SOX6: variants seen among roughly 807,000 people sequenced by gnomAD.
SOX6 encodes transcription factor SOX-6.
In SOX6, 11 loss-of-function variants were observed where a neutral mutation model predicts 97.8. That is an observed-to-expected ratio of 0.11 (90% CI 0.07 to 0.19). The LOEUF is 0.19. Among genes scored for constraint, SOX6 ranks in the 10% least tolerant of loss-of-function variants. The pLI is 1.00. For missense variants in SOX6, 810 were observed against 1,039.5 expected (o/e 0.78, Z 3.04); for synonymous variants, 360 against 371.4 (o/e 0.97, Z 0.35).
At chr11:16,580,236 G>C (rs961780755) in intron 4 of SOX6, among the ~76,000 whole-genome samples, 2 of 151,868 alleles carry the variant, frequency 1.3e-5, no homozygotes, top group Non-Finnish European at 2.9e-5. Flanking sequence ...GCACTTCTCT[G>C]GTTGATAAAA....
chr11:16,070,392 T>C (rs1332320253), intron 9 of SOX6, among the ~76,000 whole-genome samples: 1 of 151,886 alleles, frequency 6.6e-6, no homozygotes, highest in Admixed American at 6.6e-5. Flanking sequence ...AAAATCTGAA[T>C]CCATCAGATA....
At chr11:16,014,261 C>T (rs1854817221) in intron 13 of SOX6, among the ~76,000 whole-genome samples, 1 of 152,082 alleles carries the variant, frequency 6.6e-6, no homozygotes, top group South Asian at 2.1e-4. Context: ...AAGAAGCGAA[C>T]AGGCATTGAT....
At chr11:16,215,842 A>G (rs1160836227) in intron 4 of SOX6, among the ~76,000 whole-genome samples, 1 of 152,200 alleles carries the variant, frequency 6.6e-6, no homozygotes, top group Non-Finnish European at 1.5e-5. Flanking sequence ...GAGGATGATC[A>G]CTGTTTTTGT....
intron 3 of SOX6, among the ~76,000 whole-genome samples, chr11:16,676,633 C>T (rs1341769325): frequency 6.6e-6 from 1 of 152,152 alleles, no homozygotes; most frequent in Admixed American, 6.5e-5. Context: ...TTCTTCGTCA[C>T]ATGTAGCTAC....
At chr11:16,352,093 G>T (rs2134360592) in intron 1 of SOX6, among the ~76,000 whole-genome samples, 2 of 152,108 alleles carry the variant, frequency 1.3e-5, no homozygotes, top group South Asian at 4.1e-4. Context: ...ACTGGTTTCT[G>T]GGGGTGTCTC....
intron 1 of SOX6, among the ~76,000 whole-genome samples, chr11:16,390,643 T>G (rs1430902386): frequency 6.6e-6 from 1 of 152,230 alleles, no homozygotes; most frequent in African/African-American, 2.4e-5. Context: ...CTTTAATGTT[T>G]GATCTCAACT....
chr11:16,097,701 A>T lies in SOX6; in HGVS notation c.899-13T>A. On this transcript the variant is annotated splice_polypyrimidine_tract_variant and intron_variant, in intron 7 of 15. Transcript: ENST00000683767. ...GGGTAGTTATCACCTGTCGGAAAGA[A>T]CAATGCATACAGGTTTAGACAATGC... 1.9e-6 allele frequency: 3 copies of T among 1,606,622 alleles called. No individual in the cohort carries two copies. Among genetic ancestry groups the T allele is most frequent in the Non-Finnish European group, 2.6e-6 (3 of 1,173,984 alleles).
chr11:16,348,321 T>C (rs904841911), intron 1 of SOX6, among the ~76,000 whole-genome samples: 4 of 152,124 alleles, frequency 2.6e-5, no homozygotes, highest in East Asian at 1.9e-4. Context: ...GTTTCTCCAA[T>C]TGAAGACAAT....
In SOX6 at chr11:16,600,277, T is replaced by A. The variant is rs868416739; in HGVS notation, n.609+11804A>T. Reference sequence around the variant, plus strand: ...ATGGTCTCATGCACAGAAATCTTTATCTGATTCATAAAAAATAAACTAGAA... The same window carrying A: ...ATGGTCTCATGCACAGAAATCTTTAACTGATTCATAAAAAATAAACTAGAA... On this transcript the variant is annotated intron_variant and non_coding_transcript_variant, in intron 4 of 5. Transcript: ENST00000524520. Among the ~76,000 whole-genome samples the A allele has an allele frequency of 4.6e-5, 7 of 152,342 alleles. No individual in the cohort carries two copies. In the South Asian group the frequency reaches 1.2e-3, roughly 27 times the overall value.
intron 1 of SOX6, among the ~76,000 whole-genome samples, chr11:16,440,534 G>A (rs2133085237): frequency 6.6e-6 from 1 of 152,240 alleles, no homozygotes; most frequent in Non-Finnish European, 1.5e-5. Flanking sequence ...GTATCTGAAT[G>A]ACAGCACTTG....
At chr11:16,715,798 C>G (rs1402489886) in intron 2 of SOX6, among the ~76,000 whole-genome samples, 1 of 151,912 alleles carries the variant, frequency 6.6e-6, no homozygotes, top group Non-Finnish European at 1.5e-5. Context: ...TTACTTTTTT[C>G]CAACTACTCT....
chr11:16,268,566 G>A (rs760161491), intron 3 of SOX6, among the ~76,000 whole-genome samples: 1 of 151,038 alleles, frequency 6.6e-6, no homozygotes, highest in Non-Finnish European at 1.5e-5. Context: ...CAAAATATAC[G>A]TATCACAAAC....
intron 1 of SOX6, among the ~76,000 whole-genome samples, chr11:16,372,532 G>A (rs1452084901): frequency 6.6e-6 from 1 of 151,944 alleles, no homozygotes; most frequent in Non-Finnish European, 1.5e-5. Context: ...GGCAAAGGGT[G>A]GGACTTTGTT....
At chr11:15,983,499 C>T (rs1052962253) in intron 15 of SOX6, among the ~76,000 whole-genome samples, 1 of 152,060 alleles carries the variant, frequency 6.6e-6, no homozygotes, top group African/African-American at 2.4e-5. Context: ...GATCTGAACC[C>T]ATTCCATCAA....
intron 7 of SOX6, among the ~76,000 whole-genome samples, chr11:16,108,524 C>T (rs1849153730): frequency 6.6e-6 from 1 of 152,086 alleles, no homozygotes; most frequent in African/African-American, 2.4e-5. Context: ...ATTGGTGCAC[C>T]TCTCTGTATC....
intron 3 of SOX6, among the ~76,000 whole-genome samples, chr11:16,283,048 T>C (rs1033021028): frequency 2.2e-5 from 3 of 137,642 alleles, no homozygotes; most frequent in African/African-American, 8.0e-5. Context: ...TATATGTAAA[T>C]TATATATAAT....
At chr11:16,498,195 C>G (rs112991598) in intron 4 of SOX6, among the ~76,000 whole-genome samples, 1,891 of 152,278 alleles carry the variant, frequency 0.012, 41 homozygotes, top group African/African-American at 0.042. Flanking sequence ...TTTCAACCTA[C>G]AATTTCATAT....
At chr11:16,536,305 A>G (rs1340308709) in intron 4 of SOX6, among the ~76,000 whole-genome samples, 1 of 152,206 alleles carries the variant, frequency 6.6e-6, no homozygotes, top group Non-Finnish European at 1.5e-5. Context: ...GATGTTTGTT[A>G]TAAAAATAAT....
intron 1 of SOX6, among the ~76,000 whole-genome samples, chr11:16,349,720 G>GAAGGAAGGAAGT (rs1225379766): frequency 1.1e-5 from 1 of 93,558 alleles, no homozygotes; most frequent in Non-Finnish European, 2.5e-5. Flanking sequence ...AAGGAAGAAG[G>GAAGGAAGGAAGT]AAGGAAGGAA....
Sources: allele counts gnomAD v4.1 joint callset (sites outside exome capture counted in the v4.1 genomes callset), GRCh38; gene constraint gnomAD v4.1.1; transcripts MANE v1.5; gene names NCBI Gene and HGNC (gene_info 2026-07-23, HGNC 2026-07-21).